AVEN: variants seen among roughly 807,000 people sequenced by gnomAD.
AVEN encodes the protein apoptosis and caspase activation inhibitor, also known as cell death regulator Aven.
AVEN carries 41 observed loss-of-function variants against 38.1 expected under a neutral mutation model. The ratio of observed to expected loss-of-function variants is 1.08; its 90% CI spans 0.84 to 1.40. The LOEUF is 1.40. AVEN is among the 40% of genes most tolerant of loss of function. AVEN has a pLI of 0.00. For missense variants in AVEN, 605 were observed against 438.8 expected, an observed-to-expected ratio of 1.38 and a Z score of -3.38; for synonymous variants, 206 against 171.8, an observed-to-expected ratio of 1.20 and a Z score of -1.56.
intron 1 of AVEN, among the ~76,000 whole-genome samples, chr15:34,005,111 A>C (rs1319248518): frequency 1.3e-5 from 2 of 152,160 alleles, no homozygotes. Flanking sequence ...CCCTCAGTAC[A>C]CATACTTCCA....
At chr15:34,032,606 C>T (rs184829784) in intron 1 of AVEN, among the ~76,000 whole-genome samples, 5 of 152,182 alleles carry the variant, frequency 3.3e-5, no homozygotes, top group East Asian at 1.9e-4. Context: ...GTCCTCAAAA[C>T]GGAGTGTGCA....
intron 1 of AVEN, among the ~76,000 whole-genome samples, chr15:34,028,377 C>G (rs904593838): frequency 6.6e-6 from 1 of 152,086 alleles, no homozygotes; most frequent in Non-Finnish European, 1.5e-5. Flanking sequence ...GCAGCCTGTG[C>G]AACCTGGCAA....
chr15:33,865,366 G>A, downstream of AVEN: 1 of 646,750 alleles, frequency 1.5e-6, no homozygotes, highest in Non-Finnish European at 2.6e-6. Flanking sequence ...GAAAATCTGT[G>A]CTATTTTGAA....
chr15:33,990,528 C>T (rs564243161), intron 2 of AVEN, among the ~76,000 whole-genome samples: 3 of 152,300 alleles, frequency 2.0e-5, no homozygotes, highest in Non-Finnish European at 2.9e-5. Context: ...GATTCACTAA[C>T]GTTCTCTCAT....
chr15:34,043,293 C>T (rs1327703640), upstream of AVEN, among the ~76,000 whole-genome samples: 3 of 150,922 alleles, frequency 2.0e-5, no homozygotes, highest in Admixed American at 1.3e-4. Flanking sequence ...CACTGTTTGA[C>T]GAAAAGTAGA....
chr15:33,974,713 C>T (rs1164219084), intron 2 of AVEN, among the ~76,000 whole-genome samples: 2 of 152,220 alleles, frequency 1.3e-5, no homozygotes, highest in Admixed American at 6.5e-5. Flanking sequence ...TGGCTCACGC[C>T]TGTAATCCCA....
At chr15:33,871,089 TA>T (rs1890928138) in intron 3 of AVEN, 59 bp from the exon 4 acceptor site, 1 of 1,126,816 alleles carries the variant, frequency 8.9e-7, no homozygotes, top group Non-Finnish European at 1.2e-6. Context: ...CTTTTGGAAA[TA>T]AAAGAAGAAA....
At position 33,899,460 on chromosome 15, in the gene AVEN, C is replaced by CTTTTTTTTTTTTTT. The variant is rs533788693; in HGVS notation, c.446-23479_446-23466dup. Among the ~76,000 whole-genome samples, 92 of 65,432 alleles carry CTTTTTTTTTTTTTT rather than the reference C, an allele frequency of 1.4e-3. 6 individuals are homozygous for CTTTTTTTTTTTTTT. Among genetic ancestry groups the CTTTTTTTTTTTTTT allele is most frequent in the East Asian group, 8.4e-3 (17 of 2,028 alleles). The allele number at this position is 65,432 out of a possible 152,430, so 42.9% of individuals were successfully genotyped here. A position where few individuals can be genotyped will look rare whatever the true frequency, so the allele number is the denominator to read the frequency against. On this transcript the variant is annotated intron_variant, in intron 2 of 5. Coordinates refer to ENST00000306730, the MANE Select transcript of AVEN (RefSeq NM_020371.3). ...TACATTTATTTGCTTCAGGGAAAAC[C>CTTTTTTTTTTTTTT]TTTTTTTTTTTTTTTTTTTTTTTTT...
At chr15:34,032,569 A>C (rs2140768182) in intron 1 of AVEN, among the ~76,000 whole-genome samples, 1 of 152,336 alleles carries the variant, frequency 6.6e-6, no homozygotes, top group East Asian at 1.9e-4. Flanking sequence ...CATCTTACTA[A>C]GAAACAAAGG....
intron 2 of AVEN, among the ~76,000 whole-genome samples, chr15:33,988,689 C>A (rs1382637725): frequency 6.6e-6 from 1 of 152,180 alleles, no homozygotes; most frequent in Non-Finnish European, 1.5e-5. Flanking sequence ...GCTCACTTAA[C>A]ACACAAGTAA....
At chr15:33,901,273 GA>G (rs894432197) in intron 2 of AVEN, among the ~76,000 whole-genome samples, 41 of 152,072 alleles carry the variant, frequency 2.7e-4, no homozygotes, top group African/African-American at 9.6e-4. Flanking sequence ...CCTCAAAAAA[GA>G]AAAGAAAAAG....
At chr15:33,980,727 C>A (rs1266584598) in intron 2 of AVEN, among the ~76,000 whole-genome samples, 2 of 152,124 alleles carry the variant, frequency 1.3e-5, no homozygotes, top group Admixed American at 6.6e-5. Flanking sequence ...CACGGAGAAC[C>A]CCAAATTACT....
At chr15:33,907,250 G>C (rs903186222) in intron 2 of AVEN, among the ~76,000 whole-genome samples, 1 of 152,090 alleles carries the variant, frequency 6.6e-6, no homozygotes, top group Non-Finnish European at 1.5e-5. Context: ...CCTTACAGCC[G>C]AGACCTCAAA....
chr15:33,888,060 T>G (rs1891776394), intron 2 of AVEN, among the ~76,000 whole-genome samples: 1 of 151,960 alleles, frequency 6.6e-6, no homozygotes, highest in Non-Finnish European at 1.5e-5. Flanking sequence ...GAGAAAAAAG[T>G]AACCCCTCCG....
downstream of AVEN, among the ~76,000 whole-genome samples, chr15:33,861,480 C>CTTTTTTTTTTTTTGCT (rs34330524): frequency 1.6e-4 from 24 of 148,148 alleles, no homozygotes; most frequent in Admixed American, 8.7e-4. Flanking sequence ...TATAAATATG[C>CTTTTTTTTTTTTTGCT]TTTTTTTTTT....
chr15:33,862,299 ACCTCCCAGGCTCAAGACATCCG>A (rs1888565388), downstream of AVEN, among the ~76,000 whole-genome samples: 1 of 151,786 alleles, frequency 6.6e-6, no homozygotes, highest in South Asian at 2.1e-4. Flanking sequence ...TGCAACCTCC[ACCTCCCAGGCTCAAGACATCCG>A]CCTCAGCCTC....
At chr15:34,020,093 C>T (rs1212679504) in intron 1 of AVEN, among the ~76,000 whole-genome samples, 1 of 152,082 alleles carries the variant, frequency 6.6e-6, no homozygotes, top group East Asian at 1.9e-4. Flanking sequence ...GGGTGGATCA[C>T]AAGGTCAGGA....
intron 2 of AVEN, among the ~76,000 whole-genome samples, chr15:33,930,227 C>A (rs908332138): frequency 1.3e-5 from 2 of 152,130 alleles, no homozygotes; most frequent in Admixed American, 1.3e-4. Flanking sequence ...GTGAGCAGAA[C>A]CATGTCCCAA....
At chr15:34,060,362 C>A (rs1900293741) in intron 5 of AVEN, among the ~76,000 whole-genome samples, 2 of 152,080 alleles carry the variant, frequency 1.3e-5, no homozygotes, top group Non-Finnish European at 2.9e-5. Flanking sequence ...CGGTGCAAGA[C>A]AATATCATCA....
Sources: allele counts gnomAD v4.1 joint callset (sites outside exome capture counted in the v4.1 genomes callset), GRCh38; gene constraint gnomAD v4.1.1; transcripts MANE v1.5; gene names NCBI Gene and HGNC (gene_info 2026-07-23, HGNC 2026-07-21).